Variants in FASN observed in about 807,000 individuals in gnomAD.
FASN encodes the protein fatty acid synthase.
A neutral mutation model predicts 250.0 loss-of-function variants in FASN; 50 were observed. That is an observed-to-expected ratio of 0.20 (90% confidence interval 0.16 to 0.25). FASN has a LOEUF of 0.25. FASN is among the 10% of genes least tolerant of loss of function. The pLI is 1.00. For missense variants in FASN, 3,031 were observed against 3,498.5 expected, an observed-to-expected ratio of 0.87 and a Z score of 3.37; for synonymous variants, 1,909 against 1,584.0, an observed-to-expected ratio of 1.21 and a Z score of -4.87.
At position 82,092,766 on chromosome 17, in the gene FASN, C is replaced by G; in HGVS notation, c.825G>C (p.Ser275=). 1.2e-6 allele frequency: 2 copies of G among 1,605,870 alleles called. No individual in the cohort carries two copies. The highest frequency in any genetic ancestry group is 2.2e-5 in the South Asian group (2 of 90,080). ...GGGCCACTCCGGCCGACTGGTACAA[C>G]GAGCGGATGAGCTGCTCCTGGATAT... ...SGDIQEQLIR[S]LYQSAGVAPE... Residue 275 remains serine (S), a synonymous_variant, in exon 7 of 43, where the codon TCG becomes TCC. Coordinates refer to ENST00000306749, the MANE Select transcript of FASN (RefSeq NM_004104.5).
At chr17:82,096,243 C>T in intron 2 of FASN, 76 bp downstream of exon 2, 4 of 1,598,948 alleles carry the variant, frequency 2.5e-6, no homozygotes, top group Non-Finnish European at 3.4e-6. Flanking sequence ...CACAGCACAG[C>T]AGGGAGGCTG....
chr17:82,086,328 C>A lies in FASN; in HGVS notation c.3658G>T (p.Asp1220Tyr). Reference protein sequence around the residue: ...PEDPLLSGLLDSPALKACLDT... With the variant: ...PEDPLLSGLLYSPALKACLDT... Reference sequence around the variant, plus strand: ...AGGCAGGCCTTGAGTGCCGGGGAGTCCAGGAGGCCGCTGAGCAGAGGGTCC... The same window carrying A: ...AGGCAGGCCTTGAGTGCCGGGGAGTACAGGAGGCCGCTGAGCAGAGGGTCC... Residue 1220 changes from aspartate (D) to tyrosine (Y), a missense_variant, in exon 22 of 43, where the codon GAC becomes TAC. Coordinates refer to ENST00000306749, the MANE Select transcript of FASN (RefSeq NM_004104.5). 1 of 1,604,804 alleles carries A rather than the reference C, an allele frequency of 6.2e-7. No individual in the cohort carries two copies. Among genetic ancestry groups the A allele is most frequent in the African/African-American group, 1.3e-5 (1 of 75,012 alleles).
intron 36 of FASN, 36 bp from the exon 37 acceptor site, chr17:82,081,879 G>A: frequency 6.5e-7 from 1 of 1,548,518 alleles, no homozygotes; most frequent in African/African-American, 1.4e-5. Flanking sequence ...GAGCTGCGGG[G>A]AGGTCGGGGT....
In FASN at chr17:82,085,269, T is replaced by G. The variant is rs2034072605; in HGVS notation, c.4256A>C (p.Asp1419Ala). ...AGACTCCACCCAGCGGAAGCTGGTATCGTCCACCGGCAGGAAGATGGGGCT... is the reference window on the plus strand; with the variant it reads ...AGACTCCACCCAGCGGAAGCTGGTAGCGTCCACCGGCAGGAAGATGGGGCT... ...QDSPIFLPVD[D>A]TSFRWVESLK... Residue 1419 changes from aspartate (D) to alanine (A), a missense_variant, in exon 24 of 43, where the codon GAT becomes GCT. Transcript: ENST00000306749. The G allele has an allele frequency of 1.2e-6, 2 of 1,611,710 alleles. No homozygotes were observed. The highest frequency in any genetic ancestry group is 1.7e-6 in the Non-Finnish European group (2 of 1,179,532).
At chr17:82,090,195 G>A (rs2034177407) in intron 11 of FASN, among the ~76,000 whole-genome samples, 180 bp downstream of exon 11, 1 of 152,238 alleles carries the variant, frequency 6.6e-6, no homozygotes, top group African/African-American at 2.4e-5. Flanking sequence ...GCTGCCAGGT[G>A]TGGGGCCAGT....
rs1393418043 is a variant in FASN at position 82,092,887 on chromosome 17, C to T, written c.778+10G>A. The T allele has an allele frequency of 6.3e-7, 1 of 1,597,680 alleles. No individual in the cohort carries two copies. Among genetic ancestry groups the T allele is most frequent in the Non-Finnish European group, 8.5e-7 (1 of 1,172,894 alleles). On this transcript the variant is annotated intron_variant, in intron 6 of 42. Transcript: ENST00000306749. ...GCCCCCCAGCACCCCGGAACCCCGGCAGAGCCCACCTTGCTCCTTGAAGCC... is the reference window on the plus strand; with the variant it reads ...GCCCCCCAGCACCCCGGAACCCCGGTAGAGCCCACCTTGCTCCTTGAAGCC...
At chr17:82,096,297 G>T in intron 2 of FASN, 22 bp downstream of exon 2, 1 of 1,610,880 alleles carries the variant, frequency 6.2e-7, no homozygotes. Flanking sequence ...CCCCAGGCAC[G>T]GGGAGCCCCG....
rs2034088650 is a variant in FASN at position 82,085,821 on chromosome 17, G to A, written c.3783C>T (p.Ser1261=). 2.6e-6 allele frequency: 4 copies of A among 1,558,842 alleles called. No individual in the cohort carries two copies. Among genetic ancestry groups the A allele is most frequent in the Admixed American group, 1.8e-5 (1 of 54,458 alleles). Residue 1261 remains serine (S), a synonymous_variant, in exon 23 of 43, where the codon AGC becomes AGT. Transcript: ENST00000306749. ...HLYSRIPGLL[S]PHPLLQLSYT... ...AGCTCAGCTGCAGCAGGGGATGGGG[G>A]CTGAGCAGGCCTGGGATGCGGGAAT...
chr17:82,087,330 G>A lies in FASN; in HGVS notation c.3218C>T (p.Ala1073Val). 1 of 1,611,310 alleles carries A rather than the reference G, an allele frequency of 6.2e-7. No individual in the cohort carries two copies. Among genetic ancestry groups the A allele is most frequent in the Non-Finnish European group, 8.5e-7 (1 of 1,179,554 alleles). ...RQKLYTLQDKAQVADVVVSRW... is the reference protein window; with the variant it reads ...RQKLYTLQDKVQVADVVVSRW... Reference sequence around the variant, plus strand: ...TGGGGCTGGGGCGGGGCTACCTTGGGCCTTGTCCTGCAGTGTGTACAGCTT... The same window carrying A: ...TGGGGCTGGGGCGGGGCTACCTTGGACCTTGTCCTGCAGTGTGTACAGCTT... Residue 1073 changes from alanine to valine, a missense_variant, in exon 20 of 43, where the codon GCC (alanine) becomes GTC (valine). Ala to Val is a moderately conservative substitution (Grantham distance 64). Coordinates refer to ENST00000306749, the MANE Select transcript of FASN (RefSeq NM_004104.5).
Position 82,088,174 on chromosome 17 carries a change from C to T in FASN, c.2727G>A (p.Gln909=), listed in dbSNP as rs758058978. The T allele has an allele frequency of 6.2e-7, 1 of 1,612,744 alleles. No individual in the cohort carries two copies. The highest frequency in any genetic ancestry group is 8.5e-7 in the Non-Finnish European group (1 of 1,179,998). ...CCACATCCTCAAACACCACAGGCAG[C>T]TGCTCGACGCCCAGGCCCAGGGCGC... ...LARALGLGVE[Q]LPVVFEDVVL... is the part of the protein sequence containing the mutation. Residue 909 remains glutamine, a synonymous_variant, in exon 17 of 43, where the codon CAG becomes CAA. Coordinates refer to ENST00000306749, the MANE Select transcript of FASN (RefSeq NM_004104.5).
intron 2 of FASN, 42 bp downstream of exon 2, chr17:82,096,277 G>C (rs771149267): frequency 1.2e-6 from 2 of 1,608,304 alleles, no homozygotes; most frequent in Non-Finnish European, 1.7e-6. Flanking sequence ...GGTGGAGATG[G>C]AGCTTCACAC....
In FASN at chr17:82,083,590, G is replaced by A. The variant is rs2229425; in HGVS notation, c.5268C>T (p.Ser1756=). The change falls in exon 31 of 43, where the codon AGC becomes AGT. Residue 1756 remains serine (S), a synonymous_variant. Coordinates refer to ENST00000306749, the MANE Select transcript of FASN (RefSeq NM_004104.5). ...GACCGTGCGTAGCCAAGCACCTCAC[G>A]CTGGCCTGCAGCTTCTCTTCCGCCA... ...NSLAEEKLQA[S]VRCLATHGRF... The A allele has an allele frequency of 0.14, 221,734 of 1,612,004 alleles. 17,552 individuals carry two copies. The highest frequency in any genetic ancestry group is 0.16 in the Non-Finnish European group (193,127 of 1,179,556).
chr17:82,083,839 G>T lies in FASN; in HGVS notation c.5151C>A (p.Ser1717Arg). 1.2e-6 allele frequency: 2 copies of T among 1,600,190 alleles called. No individual in the cohort carries two copies. The highest frequency in any genetic ancestry group is 8.5e-7 in the Non-Finnish European group (1 of 1,174,490). Reference protein sequence around the residue: ...YLQARFPQLDSTSFANSRDTS... With the variant: ...YLQARFPQLDRTSFANSRDTS... ...TGTCCCGGGAGTTGGCGAAGCTGGT[G>T]CTGTCGAGCTGGGGGAACCTGGCCT... The change falls in exon 30 of 43, where the codon AGC becomes AGA. Residue 1717 changes from serine (S) to arginine (R), a missense_variant. By Grantham distance (110) the Ser-to-Arg change is moderately radical. Transcript: ENST00000306749.
At position 82,080,731 on chromosome 17, in the gene FASN, G is replaced by A. The variant is rs370171552; in HGVS notation, c.6787C>T (p.Arg2263Trp). The A allele has an allele frequency of 3.1e-6, 5 of 1,602,022 alleles. No homozygotes were observed. The highest frequency in any genetic ancestry group is 1.1e-5 in the South Asian group (1 of 89,038). The change falls in exon 39 of 43, where the codon CGG (arginine) becomes TGG (tryptophan). Residue 2263 changes from arginine (R) to tryptophan (W), a missense_variant. Arg to Trp is a moderately radical substitution (Grantham distance 101). Coordinates refer to ENST00000306749, the MANE Select transcript of FASN (RefSeq NM_004104.5). ...STTVFHSLAS[R>W]LSIPTYGLQC... is the part of the protein sequence containing the mutation. ...AGGCCATAGGTGGGGATGCTGAGCC[G>A]GGAGGCCAGGCTGTGGAACACGGTG...
chr17:82,082,193 G>A (rs375736803), intron 35 of FASN, 33 bp from the exon 36 acceptor site: 4 of 1,600,934 alleles, frequency 2.5e-6, no homozygotes, highest in Non-Finnish European at 3.4e-6. Flanking sequence ...CCATTGGCCA[G>A]CATCCCCAGG....
chr17:82,092,180 C>A (rs2034222782), intron 8 of FASN, among the ~76,000 whole-genome samples: 1 of 152,202 alleles, frequency 6.6e-6, no homozygotes, highest in African/African-American at 2.4e-5. Context: ...GCTCTTCCCA[C>A]CCAAGCGGCT....
At chr17:82,090,655 C>T (rs945209740) in intron 10 of FASN, 91 bp from the exon 11 acceptor site, 123 of 1,249,312 alleles carry the variant, frequency 9.8e-5, no homozygotes, top group Non-Finnish European at 1.2e-4. Context: ...TCTCCACCCC[C>T]GCGCCCCATC....
In FASN at chr17:82,087,099, C is replaced by T. The variant is rs773972895; in HGVS notation, c.3378G>A (p.Gly1126=). Residue 1126 remains glycine (G), a synonymous_variant, in exon 21 of 43, where the codon GGG becomes GGA. Transcript: ENST00000306749. ...KFCFTPHTEE[G]CLSERAALQE... is the part of the protein sequence containing the mutation. ...GCAGGGCAGCGCGCTCAGACAGGCA[C>T]CCCTCCTCCGTGTGGGGAGTGAAGC... The T allele has an allele frequency of 4.3e-6, 7 of 1,611,936 alleles. No individual in the cohort carries two copies. The highest frequency in any genetic ancestry group is 5.9e-6 in the Non-Finnish European group (7 of 1,179,922).
intron 3 of FASN, among the ~76,000 whole-genome samples, chr17:82,094,555 C>G (rs959628150): frequency 3.3e-5 from 5 of 152,144 alleles, no homozygotes. Flanking sequence ...CTTTGGGAAG[C>G]TGAGATGGAT....
Sources: gnomAD v4.1 joint callset for allele counts (sites outside exome capture counted in the v4.1 genomes callset) on GRCh38, gnomAD v4.1.1 for gene constraint, MANE v1.5 for transcripts, NCBI Gene and HGNC (gene_info 2026-07-23, HGNC 2026-07-21) for gene names.